The following ARMH3 variants were observed in gnomAD, a reference collection of about 807,000 sequenced individuals.
ARMH3 encodes the protein armadillo like helical domain containing 3.
ARMH3 carries 60 observed loss-of-function variants against 99.1 expected under a neutral mutation model. That is an observed-to-expected ratio of 0.61 (90% CI 0.49 to 0.75). The LOEUF (loss-of-function observed/expected upper bound fraction) is 0.75, where lower values mean the gene tolerates loss of function less well. Among genes scored for constraint, ARMH3 ranks in the 30% least tolerant of loss-of-function variants. The pLI is 0.00. For synonymous variants in ARMH3, 285 were observed against 292.8 expected (o/e 0.97, Z 0.27); for missense variants, 679 against 843.1 (o/e 0.81, Z 2.41).
chr10:101,886,008 G>T (rs1433030944), intron 24 of ARMH3, among the ~76,000 whole-genome samples: 1 of 151,200 alleles, frequency 6.6e-6, no homozygotes, highest in Non-Finnish European at 1.5e-5. Flanking sequence ...GGTGAGCCAA[G>T]ATCGCGCCAT....
intron 5 of ARMH3, among the ~76,000 whole-genome samples, chr10:102,028,091 T>G (rs552825894): frequency 1.4e-3 from 215 of 151,420 alleles, no homozygotes; most frequent in African/African-American, 5.0e-3. Context: ...AAAACAACTG[T>G]TGACATAATG....
chr10:102,044,360 C>G (rs1441617063), intron 1 of ARMH3, among the ~76,000 whole-genome samples: 1 of 151,526 alleles, frequency 6.6e-6, no homozygotes, highest in Non-Finnish European at 1.5e-5. Flanking sequence ...CAGGCATGAG[C>G]CACCATGCCC....
chr10:101,983,362 G>T (rs1296703250), intron 19 of ARMH3, among the ~76,000 whole-genome samples: 5 of 152,162 alleles, frequency 3.3e-5, no homozygotes, highest in Non-Finnish European at 4.4e-5. Flanking sequence ...GCTCACCGCA[G>T]CCTTGACCTC....
chr10:102,035,151 C>T (rs996321493), intron 2 of ARMH3, among the ~76,000 whole-genome samples: 6 of 152,022 alleles, frequency 3.9e-5, no homozygotes, highest in Admixed American at 1.3e-4. Context: ...CCGAGGCGCC[C>T]GGATCACGAG....
At chr10:101,927,846 G>A (rs1843568855) in intron 23 of ARMH3, among the ~76,000 whole-genome samples, 1 of 152,242 alleles carries the variant, frequency 6.6e-6, no homozygotes, top group Admixed American at 6.5e-5. Context: ...GCCAGGGCAG[G>A]TGGGTCACTT....
At chr10:101,983,103 T>C (rs1391952754) in intron 19 of ARMH3, among the ~76,000 whole-genome samples, 3 of 152,090 alleles carry the variant, frequency 2.0e-5, no homozygotes, top group African/African-American at 7.2e-5. Context: ...AAGTGATGTC[T>C]GTTTGTATGT....
intron 23 of ARMH3, among the ~76,000 whole-genome samples, chr10:101,912,050 A>C (rs1214693822): frequency 4.6e-5 from 7 of 151,608 alleles, no homozygotes; most frequent in Non-Finnish European, 7.4e-5. Context: ...ACAACAACAA[A>C]AAAGACATGG....
Position 102,026,338 on chromosome 10 carries a change from G to A in ARMH3, c.415-1090C>T, listed in dbSNP as rs190630392. On this transcript the variant is annotated intron_variant, in intron 5 of 25. Transcript: ENST00000370033. The stretch of plus-strand genomic sequence containing the variant: ...AATATTGTGCTTTAAAAGAATATAC[G>A]AAAAAACTCAGACCATGACCCTTGC... 1.8e-4 allele frequency among the ~76,000 whole-genome samples: 28 copies of A among 152,214 alleles called. No homozygotes were observed. The East Asian group carries it at 4.4e-3, about 24-fold the overall frequency.
intron 24 of ARMH3, among the ~76,000 whole-genome samples, chr10:101,877,818 T>G (rs1440825345): frequency 6.6e-6 from 1 of 152,230 alleles, no homozygotes; most frequent in Middle Eastern, 3.4e-3. Flanking sequence ...TTGGAGAAAA[T>G]GCTGACAGTG....
At chr10:101,883,453 A>G (rs2067465286) in intron 24 of ARMH3, among the ~76,000 whole-genome samples, 1 of 152,036 alleles carries the variant, frequency 6.6e-6, no homozygotes, top group Non-Finnish European at 1.5e-5. Flanking sequence ...GAGGAGAGGG[A>G]GTATCTAAGA....
intron 1 of ARMH3, among the ~76,000 whole-genome samples, chr10:102,041,089 T>A (rs867434185): frequency 3.2e-4 from 37 of 114,972 alleles, no homozygotes; most frequent in South Asian, 1.2e-3. Context: ...TATATATATA[T>A]AATATATATA....
intron 14 of ARMH3, among the ~76,000 whole-genome samples, chr10:102,002,786 C>CA (rs1375385156): frequency 4.0e-5 from 6 of 151,642 alleles, no homozygotes; most frequent in Non-Finnish European, 2.9e-5. Flanking sequence ...CATGGTGAAA[C>CA]CCCATCTCTA....
chr10:101,970,684 G>C (rs1564806519), intron 20 of ARMH3, among the ~76,000 whole-genome samples: 1 of 151,894 alleles, frequency 6.6e-6, no homozygotes, highest in Non-Finnish European at 1.5e-5. Context: ...AATAAGCCAG[G>C]CATGGTAGTA....
At chr10:101,872,294 A>G (rs1404426928) in intron 24 of ARMH3, among the ~76,000 whole-genome samples, 3 of 152,018 alleles carry the variant, frequency 2.0e-5, no homozygotes, top group Non-Finnish European at 4.4e-5. Context: ...CATCAAAAAT[A>G]TATAAAAACT....
intron 20 of ARMH3, among the ~76,000 whole-genome samples, 163 bp downstream of exon 20, chr10:101,975,049 T>TAAAAAAAAAAAAAAAAAAAAAAAAAAAAA (rs11399489): frequency 6.7e-5 from 2 of 29,668 alleles, no homozygotes; most frequent in Non-Finnish European, 1.2e-4. Context: ...AGCTAAAACG[T>TAAAAAAAAAAAAAAAAAAAAAAAAAAAAA]AAAAAAAAAA....
intron 16 of ARMH3, among the ~76,000 whole-genome samples, chr10:101,994,531 A>T (rs1322087978): frequency 6.6e-6 from 1 of 152,224 alleles, no homozygotes; most frequent in Middle Eastern, 3.2e-3. Context: ...AAGTTCTGCC[A>T]TGCCTGTGTG....
chr10:102,029,316 A>G, intron 5 of ARMH3: 1 of 894,432 alleles, frequency 1.1e-6, no homozygotes, highest in Admixed American at 2.9e-5. Context: ...TTTAGAATTA[A>G]AGTTACCCTT....
At chr10:102,032,486 C>T (rs1336734704) in intron 4 of ARMH3, among the ~76,000 whole-genome samples, 5 of 152,118 alleles carry the variant, frequency 3.3e-5, no homozygotes, top group African/African-American at 4.8e-5. Flanking sequence ...CTGCAACCTC[C>T]GCCTCCCGAG....
At chr10:102,049,713 G>T (rs1250391181) in intron 1 of ARMH3, among the ~76,000 whole-genome samples, 2 of 151,584 alleles carry the variant, frequency 1.3e-5, no homozygotes, top group South Asian at 2.1e-4. Context: ...ATGCCACCAG[G>T]CCTGGCTAAC....
Sources: gnomAD v4.1 joint callset for allele counts (sites outside exome capture counted in the v4.1 genomes callset) on GRCh38, gnomAD v4.1.1 for gene constraint, MANE v1.5 for transcripts, NCBI Gene and HGNC (gene_info 2026-07-23, HGNC 2026-07-21) for gene names.